LGMN: variants seen among roughly 807,000 people sequenced by gnomAD.
The protein encoded by LGMN is legumain.
LGMN carries 36 observed loss-of-function variants against 56.8 expected under a neutral mutation model. That is an observed-to-expected ratio of 0.63 (90% confidence interval 0.49 to 0.84). LGMN has a LOEUF of 0.84. Ranked by LOEUF, LGMN falls within the 40% of genes least tolerant of loss-of-function variation. LGMN has a pLI of 0.00. For synonymous variants in LGMN, 199 were observed against 210.1 expected, an observed-to-expected ratio of 0.95 and a Z score of 0.46; for missense variants, 446 against 556.1, an observed-to-expected ratio of 0.80 and a Z score of 1.99.
intron 1 of LGMN, among the ~76,000 whole-genome samples, chr14:92,747,658 C>G (rs1010211031): frequency 1.3e-5 from 2 of 152,178 alleles, no homozygotes; most frequent in African/African-American, 4.8e-5. Context: ...GATTGTCTCT[C>G]CCCTTTATGA....
At chr14:92,743,225 C>G (rs796466482) in intron 1 of LGMN, among the ~76,000 whole-genome samples, 2 of 151,828 alleles carry the variant, frequency 1.3e-5, no homozygotes, top group Non-Finnish European at 2.9e-5. Context: ...AATCCAGGGC[C>G]GGGCAGTGGC....
intron 2 of LGMN, among the ~76,000 whole-genome samples, chr14:92,719,161 A>ACCC (rs1280293528): frequency 1.3e-5 from 1 of 79,652 alleles, no homozygotes; most frequent in Non-Finnish European, 2.3e-5. Context: ...CGCCACTGCC[A>ACCC]CCACCACCAC....
At chr14:92,707,378 C>T (rs1314528553) in intron 11 of LGMN, among the ~76,000 whole-genome samples, 4 of 152,222 alleles carry the variant, frequency 2.6e-5, no homozygotes, top group African/African-American at 9.7e-5. Context: ...AGCAGTTCTC[C>T]AGGCGTGGTC....
At chr14:92,730,447 G>A (rs1467130022) in intron 2 of LGMN, among the ~76,000 whole-genome samples, 4 of 152,000 alleles carry the variant, frequency 2.6e-5, no homozygotes, top group Non-Finnish European at 4.4e-5. Flanking sequence ...ACAAGGTCTC[G>A]CTCTGCTACC....
intron 3 of LGMN, 141 bp from the exon 4 acceptor site, chr14:92,717,602 C>T (rs1022322812): frequency 1.4e-5 from 8 of 588,858 alleles, no homozygotes; most frequent in East Asian, 8.6e-5. Context: ...GGGTGGCCAA[C>T]GTGTGAGTGG....
chr14:92,737,915 C>T (rs1307784201), intron 1 of LGMN, among the ~76,000 whole-genome samples: 1 of 152,222 alleles, frequency 6.6e-6, no homozygotes, highest in Non-Finnish European at 1.5e-5. Flanking sequence ...CAGGCACAGC[C>T]TGGCTGTTAC....
At chr14:92,716,399 G>A (rs531628251) in intron 4 of LGMN, among the ~76,000 whole-genome samples, 178 bp from the exon 5 acceptor site, 3 of 152,304 alleles carry the variant, frequency 2.0e-5, no homozygotes, top group East Asian at 3.9e-4. Context: ...TTGGGAGGCC[G>A]AAGCGGGCGG....
At chr14:92,719,734 C>G (rs1304884920) in intron 2 of LGMN, among the ~76,000 whole-genome samples, 2 of 152,174 alleles carry the variant, frequency 1.3e-5, no homozygotes, top group Non-Finnish European at 2.9e-5. Flanking sequence ...GAAAAATGTT[C>G]CTAATGCAAC....
At chr14:92,746,491 G>C (rs1891825973) in intron 1 of LGMN, among the ~76,000 whole-genome samples, 1 of 152,130 alleles carries the variant, frequency 6.6e-6, no homozygotes, top group South Asian at 2.1e-4. Context: ...TACCTCCTTA[G>C]AGCTATCAAA....
chr14:92,746,828 A>T (rs962563043), intron 1 of LGMN, among the ~76,000 whole-genome samples: 1 of 151,990 alleles, frequency 6.6e-6, no homozygotes, highest in Non-Finnish European at 1.5e-5. Flanking sequence ...TGAGGTCAGC[A>T]GATCGAGACC....
rs555579330 is a variant in LGMN, at chr14:92,721,014, C to G, written c.139-2170G>C. On this transcript the variant is annotated intron_variant, in intron 2 of 13. Transcript: ENST00000334869. ...CAAGTGATCCTCCCACCTCAGCCTC[C>G]CAGGTAGCTGGGACTACAGGCACAC... Among the ~76,000 whole-genome samples, 3 of 152,022 alleles carry G rather than the reference C, an allele frequency of 2.0e-5. No homozygotes were observed. The East Asian group carries it at 5.8e-4, about 29-fold the overall frequency.
chr14:92,734,149 T>C (rs1891190178), intron 1 of LGMN, among the ~76,000 whole-genome samples: 1 of 152,240 alleles, frequency 6.6e-6, no homozygotes. Context: ...ATACCATCTG[T>C]ACAACATGCA....
intron 12 of LGMN, among the ~76,000 whole-genome samples, chr14:92,705,459 A>G (rs536193579): frequency 1.3e-3 from 198 of 152,082 alleles, no homozygotes; most frequent in Non-Finnish European, 2.5e-3. Context: ...CTGAGATCAC[A>G]CCACTGCACT....
chr14:92,708,856 C>CAAAAAAAAAAAAAAAAAAAAAAAAAAAA (rs58813848), intron 11 of LGMN, among the ~76,000 whole-genome samples: 1 of 71,648 alleles, frequency 1.4e-5, no homozygotes, highest in Non-Finnish European at 2.8e-5. Flanking sequence ...ACTCTTGTCT[C>CAAAAAAAAAAAAAAAAAAAAAAAAAAAA]AAAAAAAAAA....
intron 1 of LGMN, among the ~76,000 whole-genome samples, chr14:92,747,902 T>C (rs141367885): frequency 1.9e-3 from 294 of 152,158 alleles, no homozygotes; most frequent in Non-Finnish European, 3.5e-3. Flanking sequence ...TCAAATCAAA[T>C]AGGGACGGGA....
intron 1 of LGMN, among the ~76,000 whole-genome samples, chr14:92,738,980 C>T (rs1308257251): frequency 6.7e-6 from 1 of 150,362 alleles, no homozygotes; most frequent in Non-Finnish European, 1.5e-5. Context: ...GATCGCACCA[C>T]TGCACTCCAG....
At chr14:92,718,926 C>T (rs1890208682) in intron 2 of LGMN, 82 bp from the exon 3 acceptor site, 1 of 816,610 alleles carries the variant, frequency 1.2e-6, no homozygotes, top group South Asian at 1.6e-5. Context: ...TGTTCTGTCT[C>T]CTGGAAGACT....
At chr14:92,729,687 G>C (rs1327668332) in intron 2 of LGMN, among the ~76,000 whole-genome samples, 1 of 152,194 alleles carries the variant, frequency 6.6e-6, no homozygotes, top group Non-Finnish European at 1.5e-5. Flanking sequence ...AAACCTCTAT[G>C]AAAATGTAAG....
At chr14:92,716,686 A>G (rs1890092838) in intron 4 of LGMN, among the ~76,000 whole-genome samples, 1 of 152,192 alleles carries the variant, frequency 6.6e-6, no homozygotes, top group South Asian at 2.1e-4. Context: ...CATCTTTTTT[A>G]CCTGTATGAT....
Sources: gnomAD v4.1 joint callset for allele counts (sites outside exome capture counted in the v4.1 genomes callset) on GRCh38, gnomAD v4.1.1 for gene constraint, MANE v1.5 for transcripts, NCBI Gene and HGNC (gene_info 2026-07-23, HGNC 2026-07-21) for gene names.